The following PIEZO2 variants were observed in gnomAD, a reference collection of about 807,000 sequenced individuals.
PIEZO2 encodes the protein piezo type mechanosensitive ion channel component 2.
A neutral mutation model predicts 337.3 loss-of-function variants in PIEZO2; 172 were observed. The ratio of observed to expected loss-of-function variants is 0.51; its 90% CI spans 0.45 to 0.58. The LOEUF (loss-of-function observed/expected upper bound fraction) is 0.58, where lower values mean the gene tolerates loss of function less well. Ranked by LOEUF, PIEZO2 falls within the 20% of genes least tolerant of loss-of-function variation. PIEZO2 has a pLI of 0.00. For synonymous variants in PIEZO2, 1,251 were observed against 1,228.5 expected (o/e 1.02, Z -0.38); for missense variants, 3,028 against 3,391.3 (o/e 0.89, Z 2.66).
intron 4 of PIEZO2, among the ~76,000 whole-genome samples, chr18:10,906,096 A>T (rs2029898760): frequency 6.6e-6 from 1 of 152,220 alleles, no homozygotes; most frequent in African/African-American, 2.4e-5. Context: ...ACCCCAAAAG[A>T]CAGAGCTAGG....
At position 10,933,826 on chromosome 18, in the gene PIEZO2, G is replaced by A. The variant is rs143440557; in HGVS notation, c.287-22598C>T. Among the ~76,000 whole-genome samples, 508 of 152,294 alleles carry A rather than the reference G, an allele frequency of 3.3e-3. 3 individuals carry two copies. The highest frequency in any genetic ancestry group is 0.012 in the African/African-American group (489 of 41,574). On this transcript the variant is annotated intron_variant, in intron 3 of 55. Coordinates refer to ENST00000674853, the MANE Select transcript of PIEZO2 (RefSeq NM_001378183.1). ...TGGATTCTCCCAAACTGTTCTCATG[G>A]TAGTGAATAAGTCTCAAGAGATCTG...
At position 10,789,137 on chromosome 18, in the gene PIEZO2, AT is replaced by A; in HGVS notation, c.2110del (p.Ile704SerfsTer2). 6.5e-7 allele frequency: 1 copy of A among 1,537,226 alleles called. No individual in the cohort carries two copies. Among genetic ancestry groups the A allele is most frequent in the Non-Finnish European group, 8.7e-7 (1 of 1,146,906 alleles). ...CATGTAGATGATTTTGTACATTACG[AT>A]TTTACCCTCGAAGCTGACGAAGAAG... Reference protein sequence around the residue: ...MFFFVSFEGKIVMYKIIYMVL... With the variant: ...MFFFVSFEGKXVMYKIIYMVL... On this transcript the variant is annotated frameshift_variant, in exon 15 of 56. Coordinates refer to ENST00000674853, the MANE Select transcript of PIEZO2 (RefSeq NM_001378183.1). LOFTEE classifies it high-confidence loss of function.
rs2039650357 is a variant in PIEZO2 at position 10,797,429 on chromosome 18, G to C, written c.1472C>G (p.Ser491Cys). ...TTGTTTCATAATAAATTGGAATACG[G>C]AGACCATGGCATGAACTTTGATACT... is the stretch of plus-strand genomic sequence containing the variant. ...KRSIKVHAMV[S>C]VFQFIMKQSY... is the part of the protein sequence containing the mutation. The change falls in exon 12 of 56, where the codon TCC (serine) becomes TGC (cysteine). Residue 491 changes from serine to cysteine, a missense_variant. Physicochemically the swap from Ser to Cys is moderately radical, Grantham distance 112. Transcript: ENST00000674853. 6.5e-7 allele frequency: 1 copy of C among 1,537,142 alleles called. No homozygotes were observed. The highest frequency in any genetic ancestry group is 2.4e-5 in the East Asian group (1 of 40,890).
At position 10,982,153 on chromosome 18, in the gene PIEZO2, T is replaced by C. The variant is rs1292446833; in HGVS notation, c.161-2493A>G. The stretch of plus-strand genomic sequence containing the variant: ...TCAAAGAGAAAGCTTTCAAGAGTTC[T>C]ATTATGCAAAATTTTGCAGCAGCTT... On this transcript the variant is annotated intron_variant, in intron 2 of 55. Transcript: ENST00000674853. The surrounding 1 kb of genome is among the most constrained non-coding windows in gnomAD (Gnocchi z 4.1). Among the ~76,000 whole-genome samples the C allele has an allele frequency of 2.0e-5, 3 of 152,248 alleles. No individual in the cohort carries two copies. Among genetic ancestry groups the C allele is most frequent in the Non-Finnish European group, 4.4e-5 (3 of 68,032 alleles).
At chr18:10,679,879 A>G (rs951141094) in intron 52 of PIEZO2, among the ~76,000 whole-genome samples, 1 of 152,228 alleles carries the variant, frequency 6.6e-6, no homozygotes, top group African/African-American at 2.4e-5. Flanking sequence ...AATAAAATAC[A>G]GTGGATTTTG....
rs2042851015 is a variant in PIEZO2, at chr18:10,894,802, T to A, written c.329+16384A>T. The A allele has an allele frequency of 6.6e-6, 1 of 152,272 alleles. No homozygotes were observed. The highest frequency in any genetic ancestry group is 1.5e-5 in the Non-Finnish European group (1 of 68,074). The allele number at this position is 152,272 out of a possible 1,614,324, so 9.4% of individuals were successfully genotyped here. A position where few individuals can be genotyped will look rare whatever the true frequency, so the allele number is the denominator to read the frequency against. On this transcript the variant is annotated intron_variant, in intron 4 of 55. Transcript: ENST00000674853. This position sits in a 1 kb window ranked among gnomAD's most constrained non-coding sequence, Gnocchi z 4.1. ...AAGCTTTTTAATAAATGTTCACTCTTGCTCTAAATCTTGCCTTGGCCTCTT... is the reference window on the plus strand; with the variant it reads ...AAGCTTTTTAATAAATGTTCACTCTAGCTCTAAATCTTGCCTTGGCCTCTT...
intron 2 of PIEZO2, among the ~76,000 whole-genome samples, chr18:11,046,578 G>A (rs954475992): frequency 2.0e-5 from 3 of 152,258 alleles, no homozygotes; most frequent in African/African-American, 7.2e-5. Flanking sequence ...CTACCTGGCA[G>A]GTGCTCCTTT....
chr18:10,834,889 C>T lies in PIEZO2; in HGVS notation c.917+20464G>A, dbSNP rs1232588637. Reference sequence around the variant, plus strand: ...ACTTTCACAAGGGCGTGATCATAAGCTTTTGTTTTGTTTGTGTCCTCCAAA... The same window carrying T: ...ACTTTCACAAGGGCGTGATCATAAGTTTTTGTTTTGTTTGTGTCCTCCAAA... On this transcript the variant is annotated intron_variant, in intron 7 of 55. Coordinates refer to ENST00000674853, the MANE Select transcript of PIEZO2 (RefSeq NM_001378183.1). This position sits in a 1 kb window ranked among gnomAD's most constrained non-coding sequence, Gnocchi z 4.5. Among the ~76,000 whole-genome samples, 2 of 152,202 alleles carry T rather than the reference C, an allele frequency of 1.3e-5. No individual in the cohort carries two copies. Among genetic ancestry groups the T allele is most frequent in the East Asian group, 3.9e-4 (2 of 5,192 alleles).
chr18:10,726,319 G>C lies in PIEZO2; in HGVS notation c.5029+5088C>G, dbSNP rs910177797. 5.4e-5 allele frequency: 71 copies of C among 1,322,340 alleles called. 1 individual carries two copies. The Admixed American group carries it at 1.5e-3, about 27-fold the overall frequency. 81.9% of individuals were successfully genotyped at this position (1,322,340 alleles called of 1,614,324 possible). A position where few individuals can be genotyped will look rare whatever the true frequency, so the allele number is the denominator to read the frequency against. ...AGCCCCGGCCAGGTGGAGCAGGTGGGTCCCCGAACGCCCCGCCCAGCGCTG... is the reference window on the plus strand; with the variant it reads ...AGCCCCGGCCAGGTGGAGCAGGTGGCTCCCCGAACGCCCCGCCCAGCGCTG... On this transcript the variant is annotated intron_variant, in intron 36 of 55. Coordinates refer to ENST00000674853, the MANE Select transcript of PIEZO2 (RefSeq NM_001378183.1). This position sits in a 1 kb window ranked among gnomAD's most constrained non-coding sequence, Gnocchi z 5.9.
chr18:11,027,429 A>C lies in PIEZO2; in HGVS notation c.160+38698T>G, dbSNP rs2036577925. ...AGGTGCGCTAGGAATAAGGTACAAG[A>C]GGTTAAAAAGAAAGCAATCAAATTG... On this transcript the variant is annotated intron_variant, in intron 2 of 55. Transcript: ENST00000674853. The surrounding 1 kb of genome is among the most constrained non-coding windows in gnomAD (Gnocchi z 4.2). 6.6e-6 allele frequency among the ~76,000 whole-genome samples: 1 copy of C among 152,222 alleles called. No individual in the cohort carries two copies. Among genetic ancestry groups the C allele is most frequent in the South Asian group, 2.1e-4 (1 of 4,828 alleles).
rs924603072 is a variant in PIEZO2 at position 10,800,259 on chromosome 18, GCAA to G, written c.1378+75_1378+77del. On this transcript the variant is annotated intron_variant, in intron 11 of 55. Coordinates refer to ENST00000674853, the MANE Select transcript of PIEZO2 (RefSeq NM_001378183.1). Reference sequence around the variant, plus strand: ...TACAGTTTTTAAAAAAATAAAATAAGCAACAACAACAAAAAGAGAGAGGCCAAG... The same window carrying G: ...TACAGTTTTTAAAAAAATAAAATAAGCAACAACAAAAAGAGAGAGGCCAAG... 77 of 1,464,088 alleles carry G rather than the reference GCAA, an allele frequency of 5.3e-5. No homozygotes were observed. In the African/African-American group the frequency reaches 1.1e-3, roughly 20 times the overall value. The allele number at this position is 1,464,088 out of a possible 1,614,324, so 90.7% of individuals were successfully genotyped here.
At chr18:10,989,908 G>T (rs147222252) in intron 2 of PIEZO2, among the ~76,000 whole-genome samples, 184 of 152,250 alleles carry the variant, frequency 1.2e-3, no homozygotes, top group African/African-American at 4.3e-3. Flanking sequence ...ACTTAAGTAT[G>T]CCTAATTCTC....
intron 18 of PIEZO2, among the ~76,000 whole-genome samples, chr18:10,779,035 TCTTA>T (rs1226993818): frequency 6.6e-6 from 1 of 152,228 alleles, no homozygotes; most frequent in African/African-American, 2.4e-5. Flanking sequence ...AGAGTCTGTT[TCTTA>T]CTTCTCTTCC....
intron 4 of PIEZO2, among the ~76,000 whole-genome samples, chr18:10,904,724 C>T (rs1331301478): frequency 1.3e-5 from 2 of 152,252 alleles, no homozygotes; most frequent in Non-Finnish European, 2.9e-5. Context: ...AGAAGAGCCA[C>T]AGTCAATCCA....
In PIEZO2 at chr18:11,143,894, T is replaced by C. The variant is rs923755462; in HGVS notation, c.64+4631A>G. On this transcript the variant is annotated intron_variant, in intron 1 of 55. Transcript: ENST00000674853. This position sits in a 1 kb window ranked among gnomAD's most constrained non-coding sequence, Gnocchi z 4.9. ...TTTATACAAGGTGTGCTGTGCACAC[T>C]ATCTCACAACCATGCATGTAATTCT... Among the ~76,000 whole-genome samples, 24 of 152,234 alleles carry C rather than the reference T, an allele frequency of 1.6e-4. No individual in the cohort carries two copies. The highest frequency in any genetic ancestry group is 5.8e-4 in the African/African-American group (24 of 41,462).
rs146396271 is a variant in PIEZO2 at position 11,077,091 on chromosome 18, T to C, written c.65-10869A>G. Among the ~76,000 whole-genome samples, 5 of 152,330 alleles carry C rather than the reference T, an allele frequency of 3.3e-5. No homozygotes were observed. Among genetic ancestry groups the C allele is most frequent in the African/African-American group, 1.2e-4 (5 of 41,574 alleles). On this transcript the variant is annotated intron_variant, in intron 1 of 55. Coordinates refer to ENST00000674853, the MANE Select transcript of PIEZO2 (RefSeq NM_001378183.1). This position sits in a 1 kb window ranked among gnomAD's most constrained non-coding sequence, Gnocchi z 4.8. ...TAATTTCTTAAACTATCAGACAAAT[T>C]ATACTTGAAATTAGACCTATTTCAT...
chr18:10,715,613 T>C, intron 38 of PIEZO2, 37 bp downstream of exon 38: 3 of 1,473,156 alleles, frequency 2.0e-6, no homozygotes, highest in South Asian at 2.8e-5. Flanking sequence ...CTTCTTAATG[T>C]GGGAAGGAGC....
In PIEZO2 at chr18:10,980,169, T is replaced by A. The variant is rs544208987; in HGVS notation, c.161-509A>T. 1.7e-3 allele frequency among the ~76,000 whole-genome samples: 261 copies of A among 152,208 alleles called. 2 individuals carry two copies. The highest frequency in any genetic ancestry group is 3.4e-3 in the Middle Eastern group (1 of 292). On this transcript the variant is annotated intron_variant, in intron 2 of 55. Coordinates refer to ENST00000674853, the MANE Select transcript of PIEZO2 (RefSeq NM_001378183.1). The surrounding 1 kb of genome is among the most constrained non-coding windows in gnomAD (Gnocchi z 4.8). ...ATTTTTTTTAAATGTGTTAACCAAC[T>A]GAAATAGCATAGAAAAAATATAATA...
intron 36 of PIEZO2, chr18:10,728,072 A>G (rs2036613575): frequency 6.6e-6 from 1 of 152,652 alleles, no homozygotes; most frequent in South Asian, 2.1e-4. Context: ...AAGTGTTTAA[A>G]TCCTAGACTT....
Sources: gnomAD v4.1 joint callset for allele counts (sites outside exome capture counted in the v4.1 genomes callset) on GRCh38, gnomAD v4.1.1 for gene constraint, Gnocchi (gnomAD v3.1) non-coding constraint, MANE v1.5 for transcripts, NCBI Gene and HGNC (gene_info 2026-07-23, HGNC 2026-07-21) for gene names.